UNC5B: variants seen among roughly 807,000 people sequenced by gnomAD.
UNC5B encodes netrin receptor UNC5B.
UNC5B carries 56 observed loss-of-function variants against 103.7 expected under a neutral mutation model. That is an observed-to-expected ratio of 0.54 (90% confidence interval 0.44 to 0.67). The LOEUF (loss-of-function observed/expected upper bound fraction) is 0.67. Ranked by LOEUF, UNC5B falls within the 30% of genes least tolerant of loss-of-function variation. The pLI is 0.00. For missense variants in UNC5B, 1,194 were observed against 1,284.5 expected (o/e 0.93, Z 1.08); for synonymous variants, 577 against 542.0 (o/e 1.06, Z -0.90).
At position 71,288,990 on chromosome 10, in the gene UNC5B, C is replaced by T. The variant is rs577572162; in HGVS notation, c.1099C>T (p.Leu367=). 7.4e-6 allele frequency: 12 copies of T among 1,614,228 alleles called. No homozygotes were observed. The highest frequency in any genetic ancestry group is 3.3e-5 in the South Asian group (3 of 91,086). The change falls in exon 8 of 17, where the codon CTG becomes TTG. Residue 367 remains leucine, a splice_region_variant and synonymous_variant. Coordinates refer to ENST00000335350, the MANE Select transcript of UNC5B (RefSeq NM_170744.5). Reference sequence around the variant, plus strand: ...AACTCTAAGCGACCCCAACAGCCACCGTAAGTCCCATTTCATGGCTGTCCT... The same window carrying T: ...AACTCTAAGCGACCCCAACAGCCACTGTAAGTCCCATTTCATGGCTGTCCT... ...KKTLSDPNSH[L]LEASGDAALY...
intron 1 of UNC5B, among the ~76,000 whole-genome samples, chr10:71,239,722 G>C (rs1186767161): frequency 6.6e-6 from 1 of 151,944 alleles, no homozygotes; most frequent in Non-Finnish European, 1.5e-5. Context: ...CTGCTGGATG[G>C]GTGGGAGCCC....
intron 1 of UNC5B, among the ~76,000 whole-genome samples, chr10:71,265,966 A>G (rs1337507739): frequency 1.3e-5 from 2 of 152,108 alleles, no homozygotes; most frequent in Non-Finnish European, 2.9e-5. Context: ...TCTACAGAGA[A>G]ACAAACCGAG....
intron 1 of UNC5B, among the ~76,000 whole-genome samples, chr10:71,229,697 TC>T (rs1843644862): frequency 1.3e-5 from 2 of 152,176 alleles, no homozygotes; most frequent in Non-Finnish European, 2.9e-5. Flanking sequence ...TCCCTGGACT[TC>T]CTTTCCAAGG....
At chr10:71,246,477 C>G (rs1291026716) in intron 1 of UNC5B, among the ~76,000 whole-genome samples, 1 of 152,080 alleles carries the variant, frequency 6.6e-6, no homozygotes, top group Non-Finnish European at 1.5e-5. Context: ...AGCTCCCTCT[C>G]TGCACAGGGA....
At chr10:71,262,089 C>G (rs1433784491) in intron 1 of UNC5B, among the ~76,000 whole-genome samples, 1 of 152,138 alleles carries the variant, frequency 6.6e-6, no homozygotes, top group Non-Finnish European at 1.5e-5. Context: ...ACCGCAGCCC[C>G]AGCCTGAGCT....
chr10:71,263,454 G>T (rs1056139816), intron 1 of UNC5B, among the ~76,000 whole-genome samples: 5 of 152,310 alleles, frequency 3.3e-5, no homozygotes, highest in African/African-American at 1.2e-4. Context: ...CAGAGAGCTC[G>T]AGCTGAGAGC....
intron 1 of UNC5B, 69 bp from the exon 2 acceptor site, chr10:71,279,752 G>A: frequency 6.6e-7 from 1 of 1,511,502 alleles, no homozygotes; most frequent in South Asian, 1.2e-5. Context: ...TGGGCCCCCG[G>A]GGTGGGCGAG....
At chr10:71,259,931 T>A (rs1169451053) in intron 1 of UNC5B, among the ~76,000 whole-genome samples, 1 of 152,184 alleles carries the variant, frequency 6.6e-6, no homozygotes, top group Non-Finnish European at 1.5e-5. Context: ...CCATCGTGGC[T>A]GTGGGAACAC....
At chr10:71,261,106 G>A (rs1844408714) in intron 1 of UNC5B, among the ~76,000 whole-genome samples, 1 of 152,224 alleles carries the variant, frequency 6.6e-6, no homozygotes, top group Non-Finnish European at 1.5e-5. Context: ...CTGCACCGAG[G>A]GTGGCAAGCT....
chr10:71,276,496 C>T (rs1033246781), intron 1 of UNC5B, among the ~76,000 whole-genome samples: 3 of 152,136 alleles, frequency 2.0e-5, no homozygotes, highest in Non-Finnish European at 2.9e-5. Context: ...TGCAGTGGTG[C>T]GATCTCCACT....
intron 11 of UNC5B, 119 bp from the exon 12 acceptor site, chr10:71,293,286 T>G: frequency 8.5e-7 from 1 of 1,175,994 alleles, no homozygotes; most frequent in African/African-American, 1.5e-5. Flanking sequence ...TGCAGAGCCC[T>G]GAGTGGCAAA....
At chr10:71,298,647 T>C (rs915968544) in intron 16 of UNC5B, among the ~76,000 whole-genome samples, 1 of 152,050 alleles carries the variant, frequency 6.6e-6, no homozygotes, top group Admixed American at 6.6e-5. Context: ...GATAAGACAT[T>C]TTACTAGAAA....
chr10:71,257,842 C>G (rs986726842), intron 1 of UNC5B, among the ~76,000 whole-genome samples: 1 of 152,246 alleles, frequency 6.6e-6, no homozygotes. Flanking sequence ...TTCAGGTCAT[C>G]TGGCTCAGTG....
At position 71,302,200 on chromosome 10, in the gene UNC5B, G is replaced by A. The variant is rs1360121023; in HGVS notation, c.*2923G>A. On this transcript the variant is annotated 3_prime_UTR_variant, in exon 17 of 17. Coordinates refer to ENST00000335350, the MANE Select transcript of UNC5B (RefSeq NM_170744.5). ...CCCGAGGGCATGTACCTGGTGGGAA[G>A]CAGCTCAGGTACCCTTGGGGGTTGC... 1 of 152,276 alleles carries A rather than the reference G, an allele frequency of 6.6e-6. No individual in the cohort carries two copies. The highest frequency in any genetic ancestry group is 1.5e-5 in the Non-Finnish European group (1 of 68,090). The allele number at this position is 152,276 out of a possible 1,614,324, so 9.4% of individuals were successfully genotyped here.
chr10:71,285,229 C>G lies in UNC5B; in HGVS notation c.449-97C>G, dbSNP rs1019475315. On this transcript the variant is annotated intron_variant, in intron 3 of 16. Transcript: ENST00000335350. The stretch of plus-strand genomic sequence containing the variant: ...GGCCAGGTGGGCCCATCAACAGTAC[C>G]CTGGGTCTGCACTGCCACCCAGTGG... 4 of 1,264,782 alleles carry G rather than the reference C, an allele frequency of 3.2e-6. No individual in the cohort carries two copies. The African/African-American group carries it at 5.9e-5, about 19-fold the overall frequency. The allele number at this position is 1,264,782 out of a possible 1,614,324, so 78.3% of individuals were successfully genotyped here.
At chr10:71,228,144 TG>T (rs1200649690) in intron 1 of UNC5B, among the ~76,000 whole-genome samples, 1 of 152,212 alleles carries the variant, frequency 6.6e-6, no homozygotes, top group Non-Finnish European at 1.5e-5. Flanking sequence ...CTCGGACTAC[TG>T]GGTAGCTATG....
At chr10:71,245,338 C>T (rs1726724164) in intron 1 of UNC5B, among the ~76,000 whole-genome samples, 1 of 152,180 alleles carries the variant, frequency 6.6e-6, no homozygotes, top group African/African-American at 2.4e-5. Flanking sequence ...CCAAGGTATT[C>T]GCACCTACAT....
At chr10:71,235,686 G>T (rs1048777485) in intron 1 of UNC5B, among the ~76,000 whole-genome samples, 1 of 152,338 alleles carries the variant, frequency 6.6e-6, no homozygotes, top group South Asian at 2.1e-4. Context: ...CAGCCCTGAG[G>T]ACTGAGCTTA....
Position 71,293,433 on chromosome 10 carries a change from T to A in UNC5B, c.1801T>A (p.Leu601Met). The change falls in exon 12 of 17, where the codon TTG (leucine) becomes ATG (methionine). Residue 601 changes from leucine to methionine, a missense_variant. By Grantham distance (15) the Leu-to-Met change is conservative. Transcript: ENST00000335350. ...GCTTTCAGAAGGGACCCAGACAGTA[T>A]TGAGCCCCTCGGTGACCTGTGGACC... ...LPLSEGTQTVLSPSVTCGPTG... is the reference protein window; with the variant it reads ...LPLSEGTQTVMSPSVTCGPTG... 1.2e-6 allele frequency: 2 copies of A among 1,613,958 alleles called. No individual in the cohort carries two copies. Among genetic ancestry groups the A allele is most frequent in the Non-Finnish European group, 1.7e-6 (2 of 1,179,978 alleles).
Sources: allele counts gnomAD v4.1 joint callset (sites outside exome capture counted in the v4.1 genomes callset), GRCh38; gene constraint gnomAD v4.1.1; transcripts MANE v1.5; gene names NCBI Gene and HGNC (gene_info 2026-07-23, HGNC 2026-07-21).